Variants in EPHA7 observed in about 807,000 individuals in gnomAD.
EPHA7 encodes EPH receptor A7.
EPHA7 carries 25 observed loss-of-function variants against 112.6 expected under a neutral mutation model. The observed-to-expected ratio is 0.22, with a 90% CI of 0.16 to 0.31. The LOEUF (loss-of-function observed/expected upper bound fraction) is 0.31, where lower values mean the gene tolerates loss of function less well. EPHA7 is among the 10% of genes least tolerant of loss of function. The pLI is 1.00. For missense variants in EPHA7, 962 were observed against 1,212.6 expected (o/e 0.79, Z 3.07); for synonymous variants, 437 against 406.5 (o/e 1.07, Z -0.90).
chr6:93,260,432 T>G, intron 9 of EPHA7: 1 of 560,260 alleles, frequency 1.8e-6, no homozygotes, highest in Non-Finnish European at 2.3e-6. Flanking sequence ...ATAAGATAGA[T>G]AGGCATATAT....
In EPHA7 at chr6:93,246,985, C is replaced by T. The variant is rs1320953732; in HGVS notation, c.2533G>A (p.Val845Ile). 1 of 1,572,446 alleles carries T rather than the reference C, an allele frequency of 6.4e-7. No homozygotes were observed. The highest frequency in any genetic ancestry group is 1.3e-5 in the African/African-American group (1 of 74,130). ...RPYWDMSNQD[V>I]IKAIEEGYRL... ...TAACCTTCTTCTATTGCTTTTATAA[C>T]CTAATAGCCAAAAGGACATTACAAA... Residue 845 changes from valine to isoleucine, a missense_variant and splice_region_variant, in exon 15 of 17, where the codon GTT (valine) becomes ATT (isoleucine). Physicochemically the swap from Val to Ile is conservative, Grantham distance 29. This residue lies in a region of EPHA7 where 746 missense variants were observed against 889.2 expected (regional missense o/e 0.84). Transcript: ENST00000369303.
chr6:93,271,843 T>C (rs3799810), intron 6 of EPHA7, among the ~76,000 whole-genome samples: 3,359 of 151,960 alleles, frequency 0.022, 117 homozygotes, highest in South Asian at 0.17. Context: ...GAACTACATA[T>C]TTATTATACA....
At chr6:93,384,773 T>A (rs1342959795) in intron 3 of EPHA7, among the ~76,000 whole-genome samples, 1 of 152,212 alleles carries the variant, frequency 6.6e-6, no homozygotes, top group Non-Finnish European at 1.5e-5. Flanking sequence ...TTGTAACTTG[T>A]TATTGAACGA....
intron 5 of EPHA7, among the ~76,000 whole-genome samples, chr6:93,288,177 T>C (rs1323789376): frequency 1.3e-5 from 2 of 152,098 alleles, no homozygotes; most frequent in Non-Finnish European, 2.9e-5. Flanking sequence ...GGAAACAACA[T>C]AAAGGTTCAT....
intron 5 of EPHA7, among the ~76,000 whole-genome samples, chr6:93,324,952 T>C (rs1774243260): frequency 6.6e-6 from 1 of 151,400 alleles, no homozygotes; most frequent in South Asian, 2.1e-4. Context: ...CTCACTATTT[T>C]ATTTTGTACT....
At chr6:93,326,142 C>T (rs947459323) in intron 5 of EPHA7, among the ~76,000 whole-genome samples, 5 of 151,156 alleles carry the variant, frequency 3.3e-5, no homozygotes, top group East Asian at 1.9e-4. Flanking sequence ...AGAATTATGC[C>T]GTGGTAATAG....
chr6:93,387,977 A>AGATG (rs1777713171), intron 3 of EPHA7, among the ~76,000 whole-genome samples: 2 of 151,150 alleles, frequency 1.3e-5, no homozygotes, highest in East Asian at 3.9e-4. Flanking sequence ...ATAGATAGAT[A>AGATG]GAATAGATAG....
intron 5 of EPHA7, among the ~76,000 whole-genome samples, chr6:93,326,951 C>T (rs759260007): frequency 1.3e-5 from 2 of 151,550 alleles, no homozygotes; most frequent in African/African-American, 2.4e-5. Context: ...AACTGGTATC[C>T]ATCTTACATG....
At chr6:93,260,849 G>A (rs1162965972) in intron 9 of EPHA7, 1 of 583,242 alleles carries the variant, frequency 1.7e-6, no homozygotes, top group Non-Finnish European at 2.2e-6. Context: ...GAGAGAAGAA[G>A]GAGTATAGGG....
chr6:93,382,043 C>T (rs760454795), intron 3 of EPHA7, among the ~76,000 whole-genome samples: 10 of 152,174 alleles, frequency 6.6e-5, no homozygotes, highest in Non-Finnish European at 8.8e-5. Flanking sequence ...GTCAACTGTA[C>T]ACATTATACC....
chr6:93,345,156 G>C (rs1196957146), intron 5 of EPHA7, among the ~76,000 whole-genome samples: 3 of 151,654 alleles, frequency 2.0e-5, no homozygotes, highest in Non-Finnish European at 3.0e-5. Context: ...CTGAGTTTAA[G>C]AGTATTAGCA....
intron 3 of EPHA7, among the ~76,000 whole-genome samples, chr6:93,395,089 T>TA (rs1778102805): frequency 6.6e-6 from 1 of 151,852 alleles, no homozygotes; most frequent in Admixed American, 6.6e-5. Context: ...ATATGCAATT[T>TA]AAAATATAAT....
intron 5 of EPHA7, among the ~76,000 whole-genome samples, chr6:93,281,986 T>C (rs999778158): frequency 2.6e-5 from 4 of 151,986 alleles, no homozygotes; most frequent in Non-Finnish European, 4.4e-5. Context: ...TTATGTAATA[T>C]ATACAATTTT....
intron 5 of EPHA7, among the ~76,000 whole-genome samples, chr6:93,314,858 C>CTTTTTTT (rs777231219): frequency 6.9e-5 from 7 of 101,348 alleles, no homozygotes; most frequent in African/African-American, 1.5e-4. Context: ...ATATAATTTT[C>CTTTTTTT]TTTTTTTTTT....
At chr6:93,412,004 AAG>A (rs1468292270) in intron 2 of EPHA7, among the ~76,000 whole-genome samples, 2 of 152,088 alleles carry the variant, frequency 1.3e-5, no homozygotes, top group Non-Finnish European at 2.9e-5. Flanking sequence ...AAAGGAAAAA[AAG>A]TGCATTTGTC....
intron 3 of EPHA7, among the ~76,000 whole-genome samples, chr6:93,402,197 T>A (rs1300705467): frequency 6.6e-6 from 1 of 151,988 alleles, no homozygotes; most frequent in Non-Finnish European, 1.5e-5. Context: ...TTCTCCCCCC[T>A]TTCATCAGTT....
intron 5 of EPHA7, among the ~76,000 whole-genome samples, chr6:93,341,904 C>T (rs568889269): frequency 6.6e-6 from 1 of 151,278 alleles, no homozygotes; most frequent in South Asian, 2.1e-4. Context: ...AATTTATTCA[C>T]AATATCTAAG....
At chr6:93,247,109 ACT>A in intron 14 of EPHA7, 124 bp from the exon 15 acceptor site, 1 of 859,926 alleles carries the variant, frequency 1.2e-6, no homozygotes, top group Non-Finnish European at 1.7e-6. Context: ...CAAAAGACTT[ACT>A]TTTTTCCCAA....
At chr6:93,255,748 G>A (rs1275494670) in intron 13 of EPHA7, 80 bp downstream of exon 13, 9 of 1,300,052 alleles carry the variant, frequency 6.9e-6, no homozygotes, top group Non-Finnish European at 9.8e-6. Flanking sequence ...CTCCTGTTTA[G>A]TTTTACATTA....
Sources: allele counts gnomAD v4.1 joint callset (sites outside exome capture counted in the v4.1 genomes callset), GRCh38; gene constraint gnomAD v4.1.1; regional missense constraint gnomAD v4.1.1; transcripts MANE v1.5; gene names NCBI Gene and HGNC (gene_info 2026-07-23, HGNC 2026-07-21).